COL2A1: variants seen among roughly 807,000 people sequenced by gnomAD.
The protein encoded by COL2A1 is collagen type II alpha 1 chain.
COL2A1 carries 28 observed loss-of-function variants against 204.5 expected under a neutral mutation model. The observed-to-expected ratio is 0.14, with a 90% CI of 0.10 to 0.19. The LOEUF (loss-of-function observed/expected upper bound fraction) is 0.19, where lower values mean the gene tolerates loss of function less well. Ranked by LOEUF, COL2A1 falls within the 10% of genes least tolerant of loss-of-function variation. The pLI is 1.00. For synonymous variants in COL2A1, 708 were observed against 718.7 expected (o/e 0.99, Z 0.24); for missense variants, 1,388 against 2,027.5 (o/e 0.68, Z 6.06).
chr12:47,988,556 C>G (rs541716954), intron 18 of COL2A1: 2 of 157,774 alleles, frequency 1.3e-5, no homozygotes, highest in Admixed American at 6.0e-5. Flanking sequence ...CTCCTTCACC[C>G]GGCTCCGGGA....
At chr12:47,979,943 C>G in intron 40 of COL2A1, 66 bp downstream of exon 40, 1 of 1,415,052 alleles carries the variant, frequency 7.1e-7, no homozygotes, top group South Asian at 1.2e-5. Flanking sequence ...ACACCCCCGC[C>G]ATGGGAGCCT....
At chr12:47,982,988 G>A (rs909894479) in intron 32 of COL2A1, 42 bp from the exon 33 acceptor site, 1 of 1,608,066 alleles carries the variant, frequency 6.2e-7, no homozygotes, top group Non-Finnish European at 8.5e-7. Flanking sequence ...AACAGCAGTG[G>A]GGGAGAAGGT....
At chr12:47,996,653 G>A in intron 7 of COL2A1, 28 bp from the exon 8 acceptor site, 1 of 1,601,110 alleles carries the variant, frequency 6.2e-7, no homozygotes, top group Non-Finnish European at 8.6e-7. Context: ...AACGTTAGGA[G>A]GTTGAAAGGC....
chr12:47,976,376 C>A lies in COL2A1; in HGVS notation c.3489+138G>T, dbSNP rs959498547. 2.0e-5 allele frequency: 19 copies of A among 967,738 alleles called. No individual in the cohort carries two copies. Among genetic ancestry groups the A allele is most frequent in the Admixed American group, 7.6e-5 (4 of 52,488 alleles). 59.9% of individuals were successfully genotyped at this position (967,738 alleles called of 1,614,324 possible). A position where few individuals can be genotyped will look rare whatever the true frequency, so the allele number is the denominator to read the frequency against. ...GCTTTTCTGGCCATAGGCACATGAG[C>A]CAGTCCTGCCCCCATTACTGAGTGA... On this transcript the variant is annotated intron_variant, in intron 49 of 53. Coordinates refer to ENST00000380518, the MANE Select transcript of COL2A1 (RefSeq NM_001844.5). The surrounding 1 kb of genome is among the most constrained non-coding windows in gnomAD (Gnocchi z 4.3).
At position 47,996,606 on chromosome 12, in the gene COL2A1, G is replaced by T; in HGVS notation, c.551C>A (p.Ala184Asp). 1 of 1,614,190 alleles carries T rather than the reference G, an allele frequency of 6.2e-7. No individual in the cohort carries two copies. The highest frequency in any genetic ancestry group is 1.1e-5 in the South Asian group (1 of 91,084). The change falls in exon 8 of 54, where the codon GCT (alanine) becomes GAT (aspartate). Residue 184 changes from alanine (A) to aspartate (D), a missense_variant. Coordinates refer to ENST00000380518, the MANE Select transcript of COL2A1 (RefSeq NM_001844.5). ...ACCAGCCTTTTCATCAAATCCTCCAGCCATCTGGGCAGCAAAGTTCTGCAA... is the reference window on the plus strand; with the variant it reads ...ACCAGCCTTTTCATCAAATCCTCCATCCATCTGGGCAGCAAAGTTCTGCAA... Reference protein sequence around the residue: ...GLGGNFAAQMAGGFDEKAGGA... With the variant: ...GLGGNFAAQMDGGFDEKAGGA...
intron 16 of COL2A1, among the ~76,000 whole-genome samples, chr12:47,992,539 CAG>C (rs1309269670): frequency 6.6e-6 from 1 of 152,164 alleles, no homozygotes; most frequent in Non-Finnish European, 1.5e-5. Context: ...CCAGGAAGAA[CAG>C]AGAGTAGCAC....
rs771838655 is a variant in COL2A1 at position 48,000,535 on chromosome 12, C to T, written c.86-410G>A. Among the ~76,000 whole-genome samples the T allele has an allele frequency of 2.0e-5, 3 of 152,196 alleles. No homozygotes were observed. The East Asian group carries it at 5.8e-4, about 29-fold the overall frequency. ...TCTGGGACTATAAAAAGAAAGGAGA[C>T]AGAAAAATGGCGAGACCTCCCTTCC... On this transcript the variant is annotated intron_variant, in intron 1 of 53. Coordinates refer to ENST00000380518, the MANE Select transcript of COL2A1 (RefSeq NM_001844.5).
In COL2A1 at chr12:48,004,414, A is replaced by C. The variant is rs920189438; in HGVS notation, c.-93T>G. ...GGGTCCGGGTCTCTACCGCGCCCTC[A>C]TGCAGGAGGCCCTTGGAGCAGGAGG... On this transcript the variant is annotated 5_prime_UTR_variant, in exon 1 of 54. It removes an upstream start codon present in the reference 5' UTR. Coordinates refer to ENST00000380518, the MANE Select transcript of COL2A1 (RefSeq NM_001844.5). 2 of 697,832 alleles carry C rather than the reference A, an allele frequency of 2.9e-6. No individual in the cohort carries two copies. Among genetic ancestry groups the C allele is most frequent in the Non-Finnish European group, 5.0e-6 (2 of 401,228 alleles). 43.2% of individuals were successfully genotyped at this position (697,832 alleles called of 1,614,324 possible).
chr12:47,998,086 G>GA (rs1565695714), intron 4 of COL2A1, 22 bp from the exon 5 acceptor site: 1 of 1,614,196 alleles, frequency 6.2e-7, no homozygotes, highest in Non-Finnish European at 8.5e-7. Flanking sequence ...AGCCCCACAG[G>GA]ATGGTAAGTT....
intron 37 of COL2A1, 99 bp downstream of exon 37, chr12:47,981,244 A>T: frequency 7.5e-7 from 1 of 1,338,678 alleles, no homozygotes; most frequent in Non-Finnish European, 1.1e-6. Flanking sequence ...CTGGCAGCAC[A>T]CAGGGCCACC....
At chr12:48,001,941 G>A (rs1053880473) in intron 1 of COL2A1, among the ~76,000 whole-genome samples, 3 of 152,154 alleles carry the variant, frequency 2.0e-5, no homozygotes, top group South Asian at 2.1e-4. Flanking sequence ...CTCTTTCGGG[G>A]AACTGTTTTG....
chr12:47,989,201 T>C (rs1183211051), intron 18 of COL2A1, 27 bp downstream of exon 18: 4 of 1,601,284 alleles, frequency 2.5e-6, no homozygotes, highest in Non-Finnish European at 3.4e-6. Context: ...CACCCAGAAG[T>C]TCCTGACTGG....
At position 47,985,712 on chromosome 12, in the gene COL2A1, C is replaced by A. The variant is rs752201803; in HGVS notation, c.1680+16G>T. Reference sequence around the variant, plus strand: ...GAGGGTCTGAAGCCAAGGGCAACAGCAGCTCTGCTACTTACCCGGGCTCCA... The same window carrying A: ...GAGGGTCTGAAGCCAAGGGCAACAGAAGCTCTGCTACTTACCCGGGCTCCA... On this transcript the variant is annotated intron_variant, in intron 25 of 53. Transcript: ENST00000380518. The A allele has an allele frequency of 2.5e-6, 4 of 1,613,366 alleles. No homozygotes were observed. Among genetic ancestry groups the A allele is most frequent in the Non-Finnish European group, 3.4e-6 (4 of 1,179,432 alleles).
intron 22 of COL2A1, 34 bp from the exon 23 acceptor site, chr12:47,986,477 C>T: frequency 7.2e-7 from 1 of 1,383,384 alleles, no homozygotes; most frequent in Non-Finnish European, 1.0e-6. Flanking sequence ...ACAGAGTGAG[C>T]CTTCACCTGG....
intron 13 of COL2A1, 21 bp downstream of exon 13, chr12:47,993,973 C>T (rs771062445): frequency 1.9e-6 from 3 of 1,614,138 alleles, no homozygotes; most frequent in African/African-American, 1.3e-5. Flanking sequence ...TCCTTCCAAC[C>T]TTCTCACCCG....
intron 46 of COL2A1, 78 bp from the exon 47 acceptor site, chr12:47,977,233 C>A: frequency 6.3e-7 from 1 of 1,590,618 alleles, no homozygotes; most frequent in African/African-American, 1.3e-5. Context: ...GCCACTGCTC[C>A]TTAGTCCAGA....
chr12:47,981,263 T>C, intron 37 of COL2A1, 80 bp downstream of exon 37: 1 of 1,466,180 alleles, frequency 6.8e-7, no homozygotes, highest in Non-Finnish European at 9.4e-7. Context: ...CCAGGCAGCA[T>C]GAGGGCCTGC....
rs1938618219 is a variant in COL2A1 at position 47,974,869 on chromosome 12, G to C, written c.3887-7C>G. ...GGGTCAATCCAGTAGTCTCCTGCAG[G>C]GGGAAGAGGCAGCACCCATGGGGGC... On this transcript the variant is annotated splice_polypyrimidine_tract_variant and splice_region_variant and intron_variant, in intron 51 of 53. Coordinates refer to ENST00000380518, the MANE Select transcript of COL2A1 (RefSeq NM_001844.5). 1 of 1,612,214 alleles carries C rather than the reference G, an allele frequency of 6.2e-7. No individual in the cohort carries two copies. The highest frequency in any genetic ancestry group is 1.7e-5 in the Admixed American group (1 of 59,898).
At chr12:48,004,140 C>T (rs1342789230) in intron 1 of COL2A1, 97 bp downstream of exon 1, 7 of 963,580 alleles carry the variant, frequency 7.3e-6, no homozygotes, top group African/African-American at 6.5e-5. Flanking sequence ...CGTTTTAGCC[C>T]GGAGCCGCGG....
Sources: allele counts gnomAD v4.1 joint callset (sites outside exome capture counted in the v4.1 genomes callset), GRCh38; gene constraint gnomAD v4.1.1; non-coding constraint Gnocchi (gnomAD v3.1); transcripts MANE v1.5; gene names NCBI Gene and HGNC (gene_info 2026-07-23, HGNC 2026-07-21).